The following NAA16 variants were observed in gnomAD, a reference collection of about 807,000 sequenced individuals.
The protein encoded by NAA16 is NARG1-like protein.
In NAA16, 97 loss-of-function variants were observed where a neutral mutation model predicts 110.3. The ratio of observed to expected loss-of-function variants is 0.88; its 90% CI spans 0.75 to 1.04. The LOEUF is 1.04. NAA16 is among the 50% of genes least tolerant of loss of function. NAA16 has a pLI of 0.00. For missense variants in NAA16, 1,017 were observed against 1,005.1 expected (o/e 1.01, Z -0.16); for synonymous variants, 372 against 330.6 (o/e 1.13, Z -1.36).
chr13:41,347,524 A>G (rs1807229528), intron 9 of NAA16, among the ~76,000 whole-genome samples: 1 of 152,002 alleles, frequency 6.6e-6, no homozygotes, highest in South Asian at 2.1e-4. Context: ...ATTTCTTTCA[A>G]CCAATGTTTT....
At chr13:41,339,484 A>C (rs2042475920) in intron 9 of NAA16, among the ~76,000 whole-genome samples, 2 of 152,124 alleles carry the variant, frequency 1.3e-5, no homozygotes, top group African/African-American at 4.8e-5. Context: ...TTTTTTGGCA[A>C]ACTAGAGTTT....
At chr13:41,323,777 G>A (rs1005241232) in intron 5 of NAA16, among the ~76,000 whole-genome samples, 4 of 151,858 alleles carry the variant, frequency 2.6e-5, no homozygotes, top group Admixed American at 1.3e-4. Context: ...GAGCCACCAC[G>A]CCTGCCTCCA....
In NAA16 at chr13:41,354,813, T is replaced by C. The variant is rs2042937500; in HGVS notation, c.1015-331T>C. On this transcript the variant is annotated intron_variant, in intron 9 of 19. Coordinates refer to ENST00000379406, the MANE Select transcript of NAA16 (RefSeq NM_024561.5). ...ACTTATTTTCAAACCTTGAATCATTTCACTTTTTTGCAATGCATGACATTT... is the reference window on the plus strand; with the variant it reads ...ACTTATTTTCAAACCTTGAATCATTCCACTTTTTTGCAATGCATGACATTT... 3.9e-5 allele frequency among the ~76,000 whole-genome samples: 6 copies of C among 152,008 alleles called. No homozygotes were observed. The South Asian group carries it at 1.2e-3, about 32-fold the overall frequency.
chr13:41,370,778 A>G (rs566657281), intron 15 of NAA16, among the ~76,000 whole-genome samples: 1 of 152,326 alleles, frequency 6.6e-6, no homozygotes, highest in African/African-American at 2.4e-5. Context: ...TTCAACCACT[A>G]GATTAGATCA....
rs543410994 is a variant in NAA16, at chr13:41,327,869, T to C, written c.692-855T>C. The C allele has an allele frequency of 1.6e-4, 24 of 152,048 alleles. No individual in the cohort carries two copies. The East Asian group carries it at 4.2e-3, about 27-fold the overall frequency. 9.4% of individuals were successfully genotyped at this position (152,048 alleles called of 1,614,324 possible). On this transcript the variant is annotated intron_variant, in intron 6 of 19. Transcript: ENST00000379406. ...GGTAATTATTCCTAGTTCAGTCTTA[T>C]TCTAGAGTTTGAGTGATATATGATA... is the stretch of plus-strand genomic sequence containing the variant.
Position 41,372,776 on chromosome 13 carries a change from A to T in NAA16, c.2101A>T (p.Ile701Phe). 6.2e-7 allele frequency: 1 copy of T among 1,605,136 alleles called. No individual in the cohort carries two copies. The highest frequency in any genetic ancestry group is 8.5e-7 in the Non-Finnish European group (1 of 1,174,616). ...MLQSVKRAFA[I>F]NSNNPWLHEC... is the part of the protein sequence containing the mutation. The stretch of plus-strand genomic sequence containing the variant: ...GCAGTCTGTCAAACGAGCTTTTGCC[A>T]TTAACAGTAATAACCCATGGTTACA... The change falls in exon 17 of 20, where the codon ATT (isoleucine) becomes TTT (phenylalanine). Residue 701 changes from isoleucine (I) to phenylalanine (F), a missense_variant. Coordinates refer to ENST00000379406, the MANE Select transcript of NAA16 (RefSeq NM_024561.5).
chr13:41,366,110 G>A (rs964734353), intron 13 of NAA16, among the ~76,000 whole-genome samples: 1 of 151,984 alleles, frequency 6.6e-6, no homozygotes, highest in African/African-American at 2.4e-5. Flanking sequence ...TAATATTTAC[G>A]ATTTGATTTT....
At chr13:41,353,820 A>G (rs1319301597) in intron 9 of NAA16, among the ~76,000 whole-genome samples, 1 of 151,854 alleles carries the variant, frequency 6.6e-6, no homozygotes, top group Non-Finnish European at 1.5e-5. Flanking sequence ...CAGATTGTAC[A>G]GAATATTTCT....
chr13:41,358,372 A>G lies in NAA16; in HGVS notation c.1156A>G (p.Lys386Glu). 2 of 1,613,970 alleles carry G rather than the reference A, an allele frequency of 1.2e-6. No individual in the cohort carries two copies. Among genetic ancestry groups the G allele is most frequent in the Non-Finnish European group, 1.7e-6 (2 of 1,179,874 alleles). Reference protein sequence around the residue: ...VQYFLAQHFDKLGQYSLALDY... With the variant: ...VQYFLAQHFDELGQYSLALDY... ...GTATTTCCTGGCACAGCACTTTGAT[A>G]AACTTGGACAGTATTCTTTGGCTTT... is the stretch of plus-strand genomic sequence containing the variant. The change falls in exon 11 of 20, where the codon AAA becomes GAA. Residue 386 changes from lysine to glutamate, a missense_variant. By Grantham distance (56) the Lys-to-Glu change is moderately conservative. Coordinates refer to ENST00000379406, the MANE Select transcript of NAA16 (RefSeq NM_024561.5).
chr13:41,312,499 A>G (rs183269712), intron 1 of NAA16, among the ~76,000 whole-genome samples: 3 of 152,122 alleles, frequency 2.0e-5, no homozygotes, highest in Non-Finnish European at 2.9e-5. Context: ...TGGCTACCCT[A>G]GGTTTTAAAC....
At chr13:41,338,108 G>A (rs924411770) in intron 9 of NAA16, among the ~76,000 whole-genome samples, 1 of 152,158 alleles carries the variant, frequency 6.6e-6, no homozygotes, top group Admixed American at 6.5e-5. Context: ...AATTTCTCTA[G>A]ATTATTTAAC....
intron 15 of NAA16, among the ~76,000 whole-genome samples, chr13:41,371,528 G>GA (rs2043317070): frequency 6.6e-6 from 1 of 152,002 alleles, no homozygotes; most frequent in Admixed American, 6.6e-5. Context: ...TGAAGATAAG[G>GA]ATGATGATCC....
In NAA16 at chr13:41,369,153, C is replaced by A; in HGVS notation, c.1817C>A (p.Ala606Asp). Reference protein sequence around the residue: ...LSKQRRAQKKAKLEEERKHAE... With the variant: ...LSKQRRAQKKDKLEEERKHAE... ...AAGCAGAGAAGAGCTCAGAAAAAGG[C>A]TAAACTAGAAGAAGAAAGAAAGCAT... Residue 606 changes from alanine (A) to aspartate (D), a missense_variant, in exon 15 of 20, where the codon GCT becomes GAT. Transcript: ENST00000379406. 1.3e-6 allele frequency: 2 copies of A among 1,588,590 alleles called. No individual in the cohort carries two copies. Among genetic ancestry groups the A allele is most frequent in the Non-Finnish European group, 1.7e-6 (2 of 1,171,224 alleles).
At chr13:41,312,169 A>G (rs1236939944) in intron 1 of NAA16, among the ~76,000 whole-genome samples, 1 of 152,072 alleles carries the variant, frequency 6.6e-6, no homozygotes, top group Non-Finnish European at 1.5e-5. Context: ...AATGTACCTT[A>G]TTTACCTCTT....
At chr13:41,337,044 T>G (rs2139431500) in intron 9 of NAA16, among the ~76,000 whole-genome samples, 1 of 152,296 alleles carries the variant, frequency 6.6e-6, no homozygotes, top group East Asian at 1.9e-4. Context: ...TATTTTGTGA[T>G]TATTATTTTA....
At chr13:41,342,532 T>C (rs1478454416) in intron 9 of NAA16, among the ~76,000 whole-genome samples, 1 of 152,204 alleles carries the variant, frequency 6.6e-6, no homozygotes, top group African/African-American at 2.4e-5. Context: ...CCTAGTAATC[T>C]TTTTGATTGG....
At chr13:41,370,616 C>T (rs2043297365) in intron 15 of NAA16, among the ~76,000 whole-genome samples, 2 of 152,148 alleles carry the variant, frequency 1.3e-5, no homozygotes, top group African/African-American at 4.8e-5. Context: ...TCCATCCATG[C>T]TTTGTCTCTG....
At chr13:41,326,370 C>T (rs1309798616) in intron 6 of NAA16, among the ~76,000 whole-genome samples, 1 of 151,988 alleles carries the variant, frequency 6.6e-6, no homozygotes, top group Non-Finnish European at 1.5e-5. Flanking sequence ...TTTCCCTGAG[C>T]AATAATGTAT....
intron 8 of NAA16, among the ~76,000 whole-genome samples, chr13:41,333,781 A>T (rs541416999): frequency 1.3e-5 from 2 of 151,924 alleles, no homozygotes; most frequent in African/African-American, 4.8e-5. Context: ...TAAGTTTACT[A>T]AAAGCCCTCA....
Sources: allele counts gnomAD v4.1 joint callset (sites outside exome capture counted in the v4.1 genomes callset), GRCh38; gene constraint gnomAD v4.1.1; transcripts MANE v1.5; gene names NCBI Gene and HGNC (gene_info 2026-07-23, HGNC 2026-07-21).